The following LRRTM4 variants were observed in gnomAD, a reference collection of about 807,000 sequenced individuals.
The protein encoded by LRRTM4 is leucine-rich repeat transmembrane neuronal protein 4.
In LRRTM4, 25 loss-of-function variants were observed where a neutral mutation model predicts 47.6. That is an observed-to-expected ratio of 0.53 (90% CI 0.38 to 0.73). The LOEUF is 0.73. Among genes scored for constraint, LRRTM4 ranks in the 30% least tolerant of loss-of-function variants. The pLI, the probability that LRRTM4 is intolerant of heterozygous loss-of-function variation, is 0.00. For missense variants in LRRTM4, 638 were observed against 713.4 expected (o/e 0.89, Z 1.20); for synonymous variants, 311 against 269.5 (o/e 1.15, Z -1.51).
intron 3 of LRRTM4, among the ~76,000 whole-genome samples, chr2:76,772,217 A>G (rs1673742542): frequency 1.3e-5 from 2 of 152,126 alleles, no homozygotes; most frequent in South Asian, 4.1e-4. Context: ...CCAAATGCAG[A>G]CACATTGAGA....
intron 3 of LRRTM4, among the ~76,000 whole-genome samples, chr2:77,154,770 T>C (rs1007031264): frequency 5.3e-5 from 8 of 152,244 alleles, no homozygotes; most frequent in South Asian, 2.1e-4. Context: ...TGAATGTTGA[T>C]GGGTCTCTGT....
chr2:77,469,044 A>G (rs1677087822), intron 3 of LRRTM4, among the ~76,000 whole-genome samples: 1 of 152,252 alleles, frequency 6.6e-6, no homozygotes, highest in African/African-American at 2.4e-5. Flanking sequence ...ATGGAGCCTC[A>G]GTCAAGGAGT....
chr2:76,947,114 T>A (rs1278977130), intron 3 of LRRTM4, among the ~76,000 whole-genome samples: 1 of 151,848 alleles, frequency 6.6e-6, no homozygotes, highest in Admixed American at 6.6e-5. Flanking sequence ...AAAATGGAGC[T>A]CTTAAAATGT....
At position 77,031,429 on chromosome 2, in the gene LRRTM4, T is replaced by C. The variant is rs561889534; in HGVS notation, c.1552-282513A>G. On this transcript the variant is annotated intron_variant, in intron 3 of 3. Coordinates refer to ENST00000409884, the MANE Select transcript of LRRTM4 (RefSeq NM_001134745.3). ...GTGGAATTTAACTTTCTTTTCTAAG[T>C]AGATCATGATTATCCTAGGGCTGTT... is the stretch of plus-strand genomic sequence containing the variant. Among the ~76,000 whole-genome samples the C allele has an allele frequency of 1.8e-4, 27 of 152,318 alleles. No individual in the cohort carries two copies. In the South Asian group the frequency reaches 5.2e-3, roughly 29 times the overall value.
chr2:77,326,244 C>A (rs12619282), intron 3 of LRRTM4, among the ~76,000 whole-genome samples: 1 of 152,036 alleles, frequency 6.6e-6, no homozygotes, highest in Non-Finnish European at 1.5e-5. Context: ...TCTTTCCTTA[C>A]GAAGTTTCTC....
chr2:77,118,811 T>A (rs1671454179), intron 3 of LRRTM4, among the ~76,000 whole-genome samples: 1 of 151,914 alleles, frequency 6.6e-6, no homozygotes, highest in Admixed American at 6.6e-5. Context: ...GGAATAATAA[T>A]GGCATGGAGA....
chr2:77,130,840 T>G (rs1453526307), intron 3 of LRRTM4, among the ~76,000 whole-genome samples: 2 of 102,098 alleles, frequency 2.0e-5, no homozygotes, highest in Admixed American at 2.0e-4. Flanking sequence ...TTTTTTTTTT[T>G]TTTTTTTTTT....
chr2:77,420,662 C>G (rs1459788510), intron 3 of LRRTM4, among the ~76,000 whole-genome samples: 4 of 150,400 alleles, frequency 2.7e-5, no homozygotes, highest in Non-Finnish European at 4.4e-5. Flanking sequence ...GCCTGTGGCC[C>G]ACTATTTCTC....
chr2:76,924,958 A>G (rs1024138645), intron 3 of LRRTM4, among the ~76,000 whole-genome samples: 2 of 151,940 alleles, frequency 1.3e-5, no homozygotes, highest in Non-Finnish European at 2.9e-5. Context: ...GAAGACCTCT[A>G]TTGACACGTG....
At chr2:76,902,687 A>G (rs563572695) in intron 3 of LRRTM4, among the ~76,000 whole-genome samples, 51 of 152,290 alleles carry the variant, frequency 3.3e-4, no homozygotes, top group African/African-American at 1.1e-3. Flanking sequence ...AATTTTGCCT[A>G]TTTTAAATTT....
At chr2:77,121,428 G>A (rs780518361) in intron 3 of LRRTM4, among the ~76,000 whole-genome samples, 12 of 151,694 alleles carry the variant, frequency 7.9e-5, no homozygotes, top group Admixed American at 7.9e-4. Context: ...CAATAACAAA[G>A]TATTAAGATA....
chr2:77,411,182 C>T lies in LRRTM4; in HGVS notation c.1551+107136G>A, dbSNP rs372647215. Reference sequence around the variant, plus strand: ...GCCCCTTCTTCATTTTCCGTACCTTCGCCTGGTCCCTCACACAAGAGTCCA... The same window carrying T: ...GCCCCTTCTTCATTTTCCGTACCTTTGCCTGGTCCCTCACACAAGAGTCCA... On this transcript the variant is annotated intron_variant, in intron 3 of 3. Transcript: ENST00000409884. Among the ~76,000 whole-genome samples the T allele has an allele frequency of 2.4e-4, 37 of 152,218 alleles. No individual in the cohort carries two copies. The East Asian group carries it at 2.9e-3, about 12-fold the overall frequency.
chr2:76,900,679 C>T (rs180755740), intron 3 of LRRTM4, among the ~76,000 whole-genome samples: 4 of 152,008 alleles, frequency 2.6e-5, no homozygotes, highest in Non-Finnish European at 4.4e-5. Flanking sequence ...TTTAAAGTAA[C>T]TGAAAAAAAT....
At chr2:77,502,888 A>G (rs2204916) in intron 3 of LRRTM4, among the ~76,000 whole-genome samples, 36,065 of 151,336 alleles carry the variant, frequency 0.24, 4,479 homozygotes, top group Middle Eastern at 0.31. Context: ...ATCTAGGGCC[A>G]GACTTACATC....
chr2:77,130,105 C>T (rs1263636129), intron 3 of LRRTM4, among the ~76,000 whole-genome samples: 1 of 152,138 alleles, frequency 6.6e-6, no homozygotes, highest in Non-Finnish European at 1.5e-5. Context: ...AAGTGTGGCT[C>T]AGGGCAAAGA....
At chr2:76,938,501 T>A (rs1485066047) in intron 3 of LRRTM4, among the ~76,000 whole-genome samples, 1 of 152,174 alleles carries the variant, frequency 6.6e-6, no homozygotes, top group Admixed American at 6.5e-5. Context: ...TTTTATTGTT[T>A]GTAGTTATGT....
intron 3 of LRRTM4, among the ~76,000 whole-genome samples, chr2:77,149,834 C>A (rs571885896): frequency 1.3e-5 from 2 of 152,222 alleles, no homozygotes; most frequent in South Asian, 4.1e-4. Context: ...GGTGGCCACT[C>A]CAATCATTCT....
chr2:76,811,758 C>G (rs1451281248), intron 3 of LRRTM4, among the ~76,000 whole-genome samples: 4 of 152,164 alleles, frequency 2.6e-5, no homozygotes, highest in Admixed American at 6.5e-5. Context: ...AAAGTCATCT[C>G]ATTTTTATTT....
chr2:76,994,933 G>C (rs990516935), intron 3 of LRRTM4, among the ~76,000 whole-genome samples: 32 of 151,840 alleles, frequency 2.1e-4, no homozygotes, highest in African/African-American at 6.3e-4. Context: ...GACCTAACTA[G>C]GAAAATGAAA....
Sources: gnomAD v4.1 joint callset for allele counts (sites outside exome capture counted in the v4.1 genomes callset) on GRCh38, gnomAD v4.1.1 for gene constraint, MANE v1.5 for transcripts, NCBI Gene and HGNC (gene_info 2026-07-23, HGNC 2026-07-21) for gene names.